The following TBCEL variants were observed in gnomAD, a reference collection of about 807,000 sequenced individuals.
TBCEL encodes the protein tubulin-specific chaperone cofactor E-like protein.
TBCEL carries 15 observed loss-of-function variants against 44.2 expected under a neutral mutation model. The observed-to-expected ratio is 0.34, with a 90% CI of 0.23 to 0.52. The LOEUF (loss-of-function observed/expected upper bound fraction) is 0.52. Ranked by LOEUF, TBCEL falls within the 20% of genes least tolerant of loss-of-function variation. The probability of loss-of-function intolerance (pLI) is 0.95; values close to 1 mark genes in which losing one functional copy is unlikely to be tolerated. For missense variants in TBCEL, 319 were observed against 506.3 expected (o/e 0.63, Z 3.55); for synonymous variants, 171 against 185.4 (o/e 0.92, Z 0.63).
intron 2 of TBCEL, among the ~76,000 whole-genome samples, chr11:121,037,606 G>A (rs1019937595): frequency 2.0e-5 from 3 of 152,182 alleles, no homozygotes; most frequent in Non-Finnish European, 4.4e-5. Context: ...AAATGATTAG[G>A]TAGATATGCA....
At chr11:121,042,115 G>A (rs1029553414) in intron 2 of TBCEL, among the ~76,000 whole-genome samples, 1 of 152,076 alleles carries the variant, frequency 6.6e-6, no homozygotes, top group African/African-American at 2.4e-5. Context: ...GTAAGTTTGA[G>A]TTTAAGTGGT....
intron 1 of TBCEL, among the ~76,000 whole-genome samples, chr11:121,028,159 C>G (rs187944924): frequency 5.2e-4 from 79 of 152,194 alleles, no homozygotes; most frequent in African/African-American, 1.9e-3. Context: ...GCTATGATTA[C>G]ACCATTGCAC....
chr11:121,082,644 C>T (rs1182832778), intron 8 of TBCEL, among the ~76,000 whole-genome samples: 3 of 152,148 alleles, frequency 2.0e-5, no homozygotes, highest in African/African-American at 7.2e-5. Context: ...TGTCTTGGGG[C>T]CACCCTGAGG....
chr11:121,038,819 C>G (rs1945280041), intron 2 of TBCEL, among the ~76,000 whole-genome samples: 1 of 152,154 alleles, frequency 6.6e-6, no homozygotes, highest in Non-Finnish European at 1.5e-5. Context: ...ACCTCGTCCA[C>G]TTTCATTTAA....
rs1241511391 is a variant in TBCEL at position 121,037,998 on chromosome 11, C to G, written c.-18+1386C>G. 4.0e-5 allele frequency among the ~76,000 whole-genome samples: 6 copies of G among 151,214 alleles called. No homozygotes were observed. In the East Asian group the frequency reaches 1.2e-3, roughly 29 times the overall value. Reference sequence around the variant, plus strand: ...TTTTTTAGACGGAGTCTTGCTCTGTCACCCAGGCTGGAGTGCAGTGGCACG... The same window carrying G: ...TTTTTTAGACGGAGTCTTGCTCTGTGACCCAGGCTGGAGTGCAGTGGCACG... On this transcript the variant is annotated intron_variant, in intron 2 of 8. Coordinates refer to ENST00000683345, the MANE Select transcript of TBCEL (RefSeq NM_001363644.2).
intron 2 of TBCEL, among the ~76,000 whole-genome samples, chr11:121,038,271 A>G (rs1011826062): frequency 1.3e-5 from 2 of 152,146 alleles, no homozygotes; most frequent in South Asian, 2.1e-4. Context: ...GCCGAACATT[A>G]TATTTTTTAA....
intron 7 of TBCEL, 67 bp downstream of exon 7, chr11:121,058,538 AC>A: frequency 6.3e-7 from 1 of 1,576,856 alleles, no homozygotes; most frequent in South Asian, 1.1e-5. Flanking sequence ...GGAATAATGC[AC>A]TGTTTAGTGG....
chr11:121,065,099 T>G (rs1486707292), intron 8 of TBCEL, among the ~76,000 whole-genome samples: 1 of 152,194 alleles, frequency 6.6e-6, no homozygotes, highest in Non-Finnish European at 1.5e-5. Context: ...GTGCTGGGAT[T>G]ATAGGTGTGA....
intron 5 of TBCEL, 86 bp downstream of exon 5, chr11:121,053,818 A>G (rs1161273016): frequency 1.4e-6 from 2 of 1,381,524 alleles, no homozygotes; most frequent in Non-Finnish European, 2.0e-6. Context: ...CACGCAAGAA[A>G]TACTAGAACT....
intron 6 of TBCEL, 83 bp from the exon 7 acceptor site, chr11:121,058,262 A>G (rs1392895705): frequency 6.9e-7 from 1 of 1,447,150 alleles, no homozygotes; most frequent in Non-Finnish European, 9.5e-7. Context: ...AGAAGTTACT[A>G]ATTGAGCTAA....
At chr11:121,078,317 A>G (rs989159267) in intron 8 of TBCEL, among the ~76,000 whole-genome samples, 1 of 152,112 alleles carries the variant, frequency 6.6e-6, no homozygotes, top group Non-Finnish European at 1.5e-5. Flanking sequence ...TTAGATACAT[A>G]TGCATTTTGG....
At chr11:121,065,244 G>A (rs1298741519) in intron 8 of TBCEL, among the ~76,000 whole-genome samples, 5 of 152,156 alleles carry the variant, frequency 3.3e-5, no homozygotes, top group Admixed American at 6.5e-5. Flanking sequence ...CAAAGTGAAC[G>A]GGAATAAGTT....
In TBCEL at chr11:121,025,716, A is replaced by ATTT. The variant is rs35047977; in HGVS notation, c.-126+1437_-126+1439dup. 2.1e-3 allele frequency among the ~76,000 whole-genome samples: 302 copies of ATTT among 144,450 alleles called. 1 individual carries two copies. The highest frequency in any genetic ancestry group is 0.019 in the East Asian group (94 of 4,930). 94.8% of individuals were successfully genotyped at this position (144,450 alleles called of 152,430 possible). On this transcript the variant is annotated intron_variant, in intron 1 of 8. Coordinates refer to ENST00000683345, the MANE Select transcript of TBCEL (RefSeq NM_001363644.2). ...AGCAGGGATGATTCTAAGGAGATGG[A>ATTT]TTTTTTTTTTTTTTATTTTATTTTG... is the stretch of plus-strand genomic sequence containing the variant.
At chr11:121,034,481 G>A (rs925264427) in intron 1 of TBCEL, among the ~76,000 whole-genome samples, 3 of 152,024 alleles carry the variant, frequency 2.0e-5, no homozygotes, top group Admixed American at 1.3e-4. Context: ...AAGAATTTTT[G>A]TTTCTAAAGT....
intron 1 of TBCEL, among the ~76,000 whole-genome samples, chr11:121,025,850 T>C (rs1178420699): frequency 6.6e-6 from 1 of 152,124 alleles, no homozygotes; most frequent in Non-Finnish European, 1.5e-5. Flanking sequence ...ATAATCTTGA[T>C]CTTTAATATC....
chr11:121,032,639 A>G (rs1330588536), intron 1 of TBCEL, among the ~76,000 whole-genome samples: 2 of 152,234 alleles, frequency 1.3e-5, no homozygotes, highest in Non-Finnish European at 2.9e-5. Flanking sequence ...CTTTAGAAAC[A>G]CTAGATGGCA....
At chr11:121,079,966 C>T (rs113557485) in intron 8 of TBCEL, among the ~76,000 whole-genome samples, 2 of 152,222 alleles carry the variant, frequency 1.3e-5, no homozygotes, top group African/African-American at 4.8e-5. Context: ...AGGCGCACAC[C>T]ACCACGTCTG....
At chr11:121,030,979 A>G (rs1374039327) in intron 1 of TBCEL, among the ~76,000 whole-genome samples, 1 of 152,158 alleles carries the variant, frequency 6.6e-6, no homozygotes, top group Admixed American at 6.6e-5. Context: ...AAGTAGGCAT[A>G]ATGAACTACC....
At chr11:121,050,373 A>G (rs1050945767) in intron 4 of TBCEL, among the ~76,000 whole-genome samples, 4 of 151,754 alleles carry the variant, frequency 2.6e-5, no homozygotes, top group African/African-American at 9.7e-5. Flanking sequence ...GATGACCAAG[A>G]ATATTATAGG....
Sources: gnomAD v4.1 joint callset for allele counts (sites outside exome capture counted in the v4.1 genomes callset) on GRCh38, gnomAD v4.1.1 for gene constraint, MANE v1.5 for transcripts, NCBI Gene and HGNC (gene_info 2026-07-23, HGNC 2026-07-21) for gene names.